PRR11: variants seen among roughly 807,000 people sequenced by gnomAD.
PRR11 encodes the protein proline-rich protein 11.
In PRR11, 30 loss-of-function variants were observed where a neutral mutation model predicts 45.6. That is an observed-to-expected ratio of 0.66 (90% CI 0.49 to 0.89). PRR11 has a LOEUF of 0.89. Among genes scored for constraint, PRR11 ranks in the 40% least tolerant of loss-of-function variants. The pLI is 0.00. For missense variants in PRR11, 373 were observed against 424.8 expected, an observed-to-expected ratio of 0.88 and a Z score of 1.07; for synonymous variants, 128 against 153.5, an observed-to-expected ratio of 0.83 and a Z score of 1.23.
chr17:59,170,019 G>A (rs749961388), intron 2 of PRR11, 139 bp downstream of exon 2: 14 of 1,105,740 alleles, frequency 1.3e-5, no homozygotes, highest in African/African-American at 3.2e-5. Context: ...TTGGGAGGCC[G>A]AGGTGGGTGG....
At chr17:59,172,663 C>T (rs916140713) in intron 2 of PRR11, among the ~76,000 whole-genome samples, 4 of 152,226 alleles carry the variant, frequency 2.6e-5, no homozygotes, top group Non-Finnish European at 5.9e-5. Context: ...GCTTAGCAAC[C>T]GGACCAGCAG....
intron 2 of PRR11, among the ~76,000 whole-genome samples, chr17:59,183,394 A>G (rs748852169): frequency 2.2e-4 from 33 of 152,348 alleles, no homozygotes; most frequent in Non-Finnish European, 4.3e-4. Flanking sequence ...GAAACCTTAC[A>G]AGTGTGAGAT....
intron 4 of PRR11, among the ~76,000 whole-genome samples, chr17:59,193,165 C>A (rs941615448): frequency 1.3e-5 from 2 of 152,290 alleles, no homozygotes; most frequent in South Asian, 2.1e-4. Flanking sequence ...CTGGATTCAG[C>A]CTTCCAAAGT....
At chr17:59,163,472 C>A (rs1322161705) in intron 1 of PRR11, 1 of 152,194 alleles carries the variant, frequency 6.6e-6, no homozygotes, top group Non-Finnish European at 1.5e-5. Flanking sequence ...TTTTTCCTAG[C>A]TATTTTTTAT....
Position 59,185,563 on chromosome 17 carries a change from G to T in PRR11, c.402+1G>T. 6.3e-7 allele frequency: 1 copy of T among 1,593,778 alleles called. No homozygotes were observed. On this transcript the variant is annotated splice_donor_variant, in intron 4 of 9. Transcript: ENST00000262293. LOFTEE classifies it high-confidence loss of function. ...ATGCAAGCTCCAGGAAGCACTGAAGGTTGGTATTGTCAAATAAAAAGCAAA... is the reference window on the plus strand; with the variant it reads ...ATGCAAGCTCCAGGAAGCACTGAAGTTTGGTATTGTCAAATAAAAAGCAAA...
intron 1 of PRR11, among the ~76,000 whole-genome samples, chr17:59,163,349 T>G (rs2046663235): frequency 6.6e-6 from 1 of 152,232 alleles, no homozygotes; most frequent in African/African-American, 2.4e-5. Context: ...CCTCCCAAAG[T>G]GCTGGGATTA....
Position 59,195,340 on chromosome 17 carries a change from T to A in PRR11, c.754T>A (p.Ser252Thr). 1.9e-6 allele frequency: 3 copies of A among 1,612,258 alleles called. No homozygotes were observed. Among genetic ancestry groups the A allele is most frequent in the Non-Finnish European group, 2.5e-6 (3 of 1,178,382 alleles). Residue 252 changes from serine (S) to threonine (T), a missense_variant, in exon 7 of 10, where the codon TCG (serine) becomes ACG (threonine). Transcript: ENST00000262293. Reference protein sequence around the residue: ...SLDEKRKLIPSPKARNPLVTV... With the variant: ...SLDEKRKLIPTPKARNPLVTV... Reference sequence around the variant, plus strand: ...CATTTTATAATTAAAGCTTATACCATCGCCGAAAGCACGGAATCCACTAGT... The same window carrying A: ...CATTTTATAATTAAAGCTTATACCAACGCCGAAAGCACGGAATCCACTAGT...
chr17:59,189,877 C>T (rs1045853684), intron 4 of PRR11, among the ~76,000 whole-genome samples: 18 of 151,924 alleles, frequency 1.2e-4, no homozygotes, highest in African/African-American at 4.4e-4. Context: ...CCTATAGTCC[C>T]AATTTCTCAG....
intron 1 of PRR11, among the ~76,000 whole-genome samples, chr17:59,158,372 C>T (rs1245015620): frequency 2.6e-5 from 4 of 152,094 alleles, no homozygotes; most frequent in Non-Finnish European, 2.9e-5. Context: ...TGGGGCAATC[C>T]GAATATGGGC....
intron 2 of PRR11, among the ~76,000 whole-genome samples, chr17:59,182,046 G>A (rs1240492494): frequency 1.4e-5 from 2 of 142,176 alleles, no homozygotes; most frequent in Non-Finnish European, 3.0e-5. Context: ...TTTTTGTTTC[G>A]AGACAGAATC....
chr17:59,167,418 T>A (rs1318426712), intron 1 of PRR11, among the ~76,000 whole-genome samples: 2 of 152,194 alleles, frequency 1.3e-5, no homozygotes, highest in Non-Finnish European at 2.9e-5. Flanking sequence ...TATCTAGCTG[T>A]AATTATATTA....
intron 1 of PRR11, among the ~76,000 whole-genome samples, chr17:59,156,656 CTT>C (rs869165501): frequency 7.0e-6 from 1 of 142,216 alleles, no homozygotes; most frequent in Non-Finnish European, 1.5e-5. Context: ...CTCTTTCTTT[CTT>C]TTTTTTTTTT....
chr17:59,193,598 A>G lies in PRR11; in HGVS notation c.509A>G (p.Lys170Arg), dbSNP rs746943965. ...GTTCTGATCACCCCTGGAGACTCCA[A>G]AGCTGTGCTTCCTCCCACACTGCCA... ...ACVLITPGDS[K>R]AVLPPTLPQP... Residue 170 changes from lysine to arginine, a missense_variant, in exon 5 of 10, where the codon AAA (lysine) becomes AGA (arginine). By Grantham distance (26) the Lys-to-Arg change is conservative. Transcript: ENST00000262293. 1.2e-6 allele frequency: 2 copies of G among 1,613,976 alleles called. No homozygotes were observed. The highest frequency in any genetic ancestry group is 1.3e-5 in the African/African-American group (1 of 74,898).
At position 59,201,614 on chromosome 17, in the gene PRR11, T is replaced by C. The variant is rs747832265; in HGVS notation, c.1066T>C (p.Phe356Leu). 6.2e-7 allele frequency: 1 copy of C among 1,613,716 alleles called. No homozygotes were observed. Among genetic ancestry groups the C allele is most frequent in the South Asian group, 1.1e-5 (1 of 91,072 alleles). The change falls in exon 10 of 10, where the codon TTT becomes CTT. Residue 356 changes from phenylalanine (F) to leucine (L), a missense_variant. By Grantham distance (22) the Phe-to-Leu change is conservative. Coordinates refer to ENST00000262293, the MANE Select transcript of PRR11 (RefSeq NM_018304.4). ...TPTLPLSTSS[F>L]DEQN ...AACTCTGCCACTTTCTACAAGCAGC[T>C]TTGATGAACAAAACTGATGCCAACT...
rs1217888037 is a variant in PRR11 at position 59,177,347 on chromosome 17, G to A, written c.128+7467G>A. 3 of 536,458 alleles carry A rather than the reference G, an allele frequency of 5.6e-6. No individual in the cohort carries two copies. In the Admixed American group the frequency reaches 5.8e-5, roughly 10 times the overall value. The allele number at this position is 536,458 out of a possible 1,614,324, so 33.2% of individuals were successfully genotyped here. A position where few individuals can be genotyped will look rare whatever the true frequency, so the allele number is the denominator to read the frequency against. On this transcript the variant is annotated intron_variant, in intron 2 of 9. Transcript: ENST00000262293. The stretch of plus-strand genomic sequence containing the variant: ...TGGAATGGGGGTCTAGGGAGGGTTT[G>A]CCCATCAGAGAAGGGACCTGAGTGT...
chr17:59,174,446 T>C (rs1029695350), intron 2 of PRR11, among the ~76,000 whole-genome samples: 1 of 152,144 alleles, frequency 6.6e-6, no homozygotes, highest in Non-Finnish European at 1.5e-5. Context: ...AACTCAAGTG[T>C]GTCAATCATA....
intron 4 of PRR11, among the ~76,000 whole-genome samples, chr17:59,193,150 A>G (rs898100388): frequency 3.9e-5 from 6 of 152,168 alleles, no homozygotes; most frequent in Non-Finnish European, 8.8e-5. Context: ...GGCTCAAGCA[A>G]TTCGCTGGAT....
rs138388461 is a variant in PRR11, at chr17:59,169,823, C to A, written c.71C>A (p.Ala24Asp). 3.1e-6 allele frequency: 5 copies of A among 1,612,232 alleles called. No individual in the cohort carries two copies. Among genetic ancestry groups the A allele is most frequent in the Non-Finnish European group, 4.2e-6 (5 of 1,179,412 alleles). The change falls in exon 2 of 10, where the codon GCC (alanine) becomes GAC (aspartate). Residue 24 changes from alanine (A) to aspartate (D), a missense_variant. By Grantham distance (126) the Ala-to-Asp change is moderately radical. Transcript: ENST00000262293. ...KAERLFKKKE[A>D]SHFQSKLITP... ...GAAAGATTATTCAAAAAAAAAGAAGCCTCTCACTTTCAGTCCAAGCTAATT... is the reference window on the plus strand; with the variant it reads ...GAAAGATTATTCAAAAAAAAAGAAGACTCTCACTTTCAGTCCAAGCTAATT...
intron 7 of PRR11, among the ~76,000 whole-genome samples, chr17:59,197,201 T>C (rs1035147358): frequency 1.3e-5 from 2 of 152,080 alleles, no homozygotes; most frequent in Non-Finnish European, 2.9e-5. Flanking sequence ...ATGTTGCCTA[T>C]AGAAATGATT....
Sources: allele counts gnomAD v4.1 joint callset (sites outside exome capture counted in the v4.1 genomes callset), GRCh38; gene constraint gnomAD v4.1.1; transcripts MANE v1.5; gene names NCBI Gene and HGNC (gene_info 2026-07-23, HGNC 2026-07-21).